GPRASP3: variants seen among roughly 807,000 people sequenced by gnomAD.
The protein encoded by GPRASP3 is G protein-coupled receptor associated sorting protein 3.
chrX:102,748,018 T>C, the GPRASP3 span: 1 of 112,100 alleles, frequency 8.9e-6, no homozygotes, highest in East Asian at 2.8e-4. Flanking sequence ...ATCTTTCTAG[T>C]CACCTCTGAC....
the GPRASP3 span, among the ~76,000 whole-genome samples, chrX:102,723,181 C>A: frequency 9.0e-6 from 1 of 111,463 alleles, no homozygotes; most frequent in Non-Finnish European, 1.9e-5. Flanking sequence ...TAAAAAAGAT[C>A]AAATGCTGAT....
chrX:102,726,262 T>C, the GPRASP3 span, among the ~76,000 whole-genome samples: 5 of 112,383 alleles, frequency 4.4e-5, no homozygotes, highest in Non-Finnish European at 9.4e-5. Context: ...CCCACCTTTG[T>C]GGTTTGAATC....
the GPRASP3 span, among the ~76,000 whole-genome samples, chrX:102,723,627 G>A: frequency 1.8e-5 from 2 of 111,450 alleles, no homozygotes; most frequent in African/African-American, 6.5e-5. Context: ...CCTAGTTGCT[G>A]ACACAGCTTC....
the GPRASP3 span, among the ~76,000 whole-genome samples, chrX:102,745,312 G>T: frequency 8.9e-6 from 1 of 111,788 alleles, no homozygotes; most frequent in African/African-American, 3.3e-5. Context: ...GTGGCAGAAA[G>T]AAATGAGTCT....
At chrX:102,750,098 C>T in the GPRASP3 span, 1 of 1,210,575 alleles carries the variant, frequency 8.3e-7, no homozygotes, top group Non-Finnish European at 1.1e-6. Context: ...GGTGTAGTGA[C>T]ACTTATTGAA....
chrX:102,721,806 C>G, the GPRASP3 span, among the ~76,000 whole-genome samples: 22 of 111,296 alleles, frequency 2.0e-4, no homozygotes, highest in African/African-American at 7.2e-4. Context: ...ACCCTTTGCT[C>G]TCTTGTGTTG....
chrX:102,742,817 T>A, the GPRASP3 span, among the ~76,000 whole-genome samples: 1 of 111,952 alleles, frequency 8.9e-6, no homozygotes, highest in Admixed American at 9.5e-5. Context: ...GGAAGTTTAT[T>A]TTCTCAAGGT....
the GPRASP3 span, among the ~76,000 whole-genome samples, chrX:102,729,607 C>T: frequency 2.7e-5 from 3 of 112,314 alleles, no homozygotes; most frequent in Admixed American, 9.4e-5. Context: ...CAGTGGCTCA[C>T]GCCTGTAATC....
chrX:102,725,527 CT>C, the GPRASP3 span, among the ~76,000 whole-genome samples: 155 of 96,431 alleles, frequency 1.6e-3, 1 homozygote, highest in Middle Eastern at 5.7e-3. Context: ...CCACTTGTTT[CT>C]TTTTTTTTTT....
chrX:102,745,066 A>C, the GPRASP3 span, among the ~76,000 whole-genome samples: 1 of 111,239 alleles, frequency 9.0e-6, no homozygotes, highest in Non-Finnish European at 1.9e-5. Flanking sequence ...GAAAAGGAGG[A>C]GTTGAGGAGC....
chrX:102,738,562 A>G, the GPRASP3 span, among the ~76,000 whole-genome samples: 1 of 111,242 alleles, frequency 9.0e-6, no homozygotes, highest in African/African-American at 3.3e-5. Flanking sequence ...TTTACTCTGT[A>G]TCCATGGTCC....
At chrX:102,740,393 C>G in the GPRASP3 span, among the ~76,000 whole-genome samples, 7 of 112,064 alleles carry the variant, frequency 6.2e-5, no homozygotes, top group African/African-American at 1.9e-4. Flanking sequence ...CGAATCTTAA[C>G]CAAGACCAAC....
At chrX:102,751,496 A>T in the GPRASP3 span, 1 of 123,396 alleles carries the variant, frequency 8.1e-6, no homozygotes, top group East Asian at 2.8e-4. Flanking sequence ...AAGGTGGCAT[A>T]GCTGTTTTGT....
chrX:102,734,093 C>A, the GPRASP3 span, among the ~76,000 whole-genome samples: 2 of 111,338 alleles, frequency 1.8e-5, no homozygotes, highest in Admixed American at 1.9e-4. Flanking sequence ...ATTTTCACTT[C>A]TTTTGTGGTG....
the GPRASP3 span, among the ~76,000 whole-genome samples, chrX:102,731,390 G>A: frequency 2.7e-5 from 3 of 112,186 alleles, no homozygotes; most frequent in South Asian, 3.7e-4. Context: ...TTGGGAGGCC[G>A]AGGCAGGCAG....
chrX:102,724,583 A>G, the GPRASP3 span, among the ~76,000 whole-genome samples: 1 of 110,455 alleles, frequency 9.1e-6, no homozygotes, highest in East Asian at 2.8e-4. Context: ...TGTTGTGGGT[A>G]TTGCATTTAT....
the GPRASP3 span, among the ~76,000 whole-genome samples, chrX:102,735,748 C>T: frequency 1.4e-4 from 16 of 112,592 alleles, no homozygotes; most frequent in Non-Finnish European, 2.8e-4. Context: ...CTTTCCACAA[C>T]TTGTTCAAGC....
At chrX:102,721,877 G>A in the GPRASP3 span, among the ~76,000 whole-genome samples, 1 of 111,096 alleles carries the variant, frequency 9.0e-6, no homozygotes, top group East Asian at 2.8e-4. Context: ...GCAGCCCCAT[G>A]GTAAGTCCTT....
the GPRASP3 span, chrX:102,720,924 G>C: frequency 8.9e-6 from 1 of 112,038 alleles, no homozygotes; most frequent in Non-Finnish European, 1.9e-5. Flanking sequence ...TCAGCCAACC[G>C]GGAGCGTCTT....
Sources: gnomAD v4.1 joint callset for allele counts (sites outside exome capture counted in the v4.1 genomes callset) on GRCh38, gnomAD v4.1.1 for gene constraint, MANE v1.5 for transcripts, NCBI Gene and HGNC (gene_info 2026-07-23, HGNC 2026-07-21) for gene names.